PLCB4: variants seen among roughly 807,000 people sequenced by gnomAD.
PLCB4 encodes the protein 1-phosphatidylinositol 4,5-bisphosphate phosphodiesterase beta-4.
PLCB4 carries 77 observed loss-of-function variants against 178.8 expected under a neutral mutation model. The observed-to-expected ratio is 0.43, with a 90% confidence interval of 0.36 to 0.52. The LOEUF is 0.52. PLCB4 is among the 20% of genes least tolerant of loss of function. The pLI is 0.00. For synonymous variants in PLCB4, 496 were observed against 490.8 expected (o/e 1.01, Z -0.14); for missense variants, 1,024 against 1,453.4 (o/e 0.70, Z 4.80).
At chr20:9,216,535 C>G (rs2093735242) in intron 2 of PLCB4, among the ~76,000 whole-genome samples, 1 of 147,830 alleles carries the variant, frequency 6.8e-6, no homozygotes, top group Non-Finnish European at 1.5e-5. Flanking sequence ...AGTTTTACTC[C>G]GTTGCCCAGG....
At chr20:9,477,712 A>G (rs996428199) in intron 39 of PLCB4, among the ~76,000 whole-genome samples, 2 of 152,296 alleles carry the variant, frequency 1.3e-5, no homozygotes, top group South Asian at 4.1e-4. Context: ...ACACAGAAAG[A>G]TTTAATTCTT....
At chr20:9,099,106 TA>T (rs2091043638) in intron 2 of PLCB4, among the ~76,000 whole-genome samples, 1 of 152,240 alleles carries the variant, frequency 6.6e-6, no homozygotes, top group South Asian at 2.1e-4. Flanking sequence ...TTTATACTAC[TA>T]TTATAAATGG....
intron 1 of PLCB4, among the ~76,000 whole-genome samples, chr20:9,086,426 C>G (rs2090425244): frequency 6.6e-6 from 1 of 152,020 alleles, no homozygotes; most frequent in African/African-American, 2.4e-5. Context: ...CCTGGCTTTG[C>G]TACTGAGAAG....
intron 18 of PLCB4, among the ~76,000 whole-genome samples, chr20:9,394,311 G>A (rs1409024141): frequency 6.6e-6 from 1 of 151,940 alleles, no homozygotes; most frequent in South Asian, 2.1e-4. Context: ...TATTACAAAA[G>A]CAATAATGCC....
chr20:9,274,516 T>G, intron 3 of PLCB4, among the ~76,000 whole-genome samples: 1 of 152,112 alleles, frequency 6.6e-6, no homozygotes, highest in Admixed American at 6.6e-5. Flanking sequence ...CCTATTTTAT[T>G]TGCACATGTA....
chr20:9,206,299 CTTTTTTTTT>C (rs71184138), intron 2 of PLCB4, among the ~76,000 whole-genome samples: 2 of 96,100 alleles, frequency 2.1e-5, no homozygotes, highest in East Asian at 3.0e-4. Flanking sequence ...TTTCTTTTTT[CTTTTTTTTT>C]TTTTTTTTTT....
chr20:9,319,353 A>G (rs1427041106), intron 4 of PLCB4, among the ~76,000 whole-genome samples: 4 of 152,030 alleles, frequency 2.6e-5, no homozygotes, highest in Non-Finnish European at 5.9e-5. Flanking sequence ...TATTTTTGTC[A>G]TTACTTGTTT....
In PLCB4 at chr20:9,444,225, A is replaced by G. The variant is rs1190297162; in HGVS notation, c.2862A>G (p.Leu954=). The change falls in exon 32 of 40, where the codon TTA becomes TTG. Residue 954 remains leucine (L), a synonymous_variant. Coordinates refer to ENST00000378473, the MANE Select transcript of PLCB4 (RefSeq NM_001377142.1). ...LKKQQKELNS[L]KKKHAKEHST... ...AACAGCAGAAGGAGCTAAATTCTTT[A>G]AAGAAGAAACATGCAAAGGTACAGT... 1.9e-6 allele frequency: 3 copies of G among 1,600,474 alleles called. No homozygotes were observed. The highest frequency in any genetic ancestry group is 1.1e-5 in the South Asian group (1 of 90,526).
intron 3 of PLCB4, among the ~76,000 whole-genome samples, chr20:9,276,225 G>A (rs1387981239): frequency 6.6e-6 from 1 of 152,092 alleles, no homozygotes. Context: ...GCTGATGAGA[G>A]CTCTGTCATT....
intron 3 of PLCB4, among the ~76,000 whole-genome samples, chr20:9,221,778 A>T (rs969391533): frequency 6.6e-6 from 1 of 152,110 alleles, no homozygotes; most frequent in African/African-American, 2.4e-5. Flanking sequence ...TCCTTAGTAA[A>T]ATCATGGATA....
intron 7 of PLCB4, among the ~76,000 whole-genome samples, chr20:9,357,379 G>C (rs541569840): frequency 6.6e-6 from 1 of 152,290 alleles, no homozygotes; most frequent in Admixed American, 6.5e-5. Context: ...TTCAGCCCAG[G>C]TGGGGTGGGA....
chr20:9,338,142 A>G lies in PLCB4; in HGVS notation c.225+75A>G, dbSNP rs1311635268. The G allele has an allele frequency of 4.2e-6, 4 of 951,462 alleles. No individual in the cohort carries two copies. The African/African-American group carries it at 6.4e-5, about 15-fold the overall frequency. The allele number at this position is 951,462 out of a possible 1,614,324, so 58.9% of individuals were successfully genotyped here. ...GAAATGGCCATGGCTTCTAGAGATAAAAAACTCACTCTTTGTATCCAGGCT... is the reference window on the plus strand; with the variant it reads ...GAAATGGCCATGGCTTCTAGAGATAGAAAACTCACTCTTTGTATCCAGGCT... On this transcript the variant is annotated intron_variant, in intron 6 of 39. Transcript: ENST00000378473.
chr20:9,216,561 A>G (rs902512808), intron 2 of PLCB4, among the ~76,000 whole-genome samples: 14 of 151,786 alleles, frequency 9.2e-5, no homozygotes, highest in South Asian at 2.1e-4. Flanking sequence ...GTGCAGTGGC[A>G]TGATCTTTGC....
chr20:9,337,309 C>T lies in PLCB4; in HGVS notation c.165+103C>T. 3 of 782,794 alleles carry T rather than the reference C, an allele frequency of 3.8e-6. No individual in the cohort carries two copies. In the Admixed American group the frequency reaches 5.7e-5, roughly 15 times the overall value. The allele number at this position is 782,794 out of a possible 1,614,324, so 48.5% of individuals were successfully genotyped here. A position where few individuals can be genotyped will look rare whatever the true frequency, so the allele number is the denominator to read the frequency against. ...GCTGTTGATGAACCCTACCCTTATT[C>T]ATTCATTCAAGATTTTTAAAAATGT... On this transcript the variant is annotated intron_variant, in intron 5 of 39. Coordinates refer to ENST00000378473, the MANE Select transcript of PLCB4 (RefSeq NM_001377142.1).
At chr20:9,315,959 AG>A (rs2094894347) in intron 4 of PLCB4, among the ~76,000 whole-genome samples, 1 of 152,076 alleles carries the variant, frequency 6.6e-6, no homozygotes, top group Non-Finnish European at 1.5e-5. Flanking sequence ...TTAAAAAAAA[AG>A]AGCCAGTTTG....
At chr20:9,469,052 C>A (rs532177684) in intron 36 of PLCB4, among the ~76,000 whole-genome samples, 1 of 151,776 alleles carries the variant, frequency 6.6e-6, no homozygotes, top group African/African-American at 2.4e-5. Context: ...GGCACAATCT[C>A]AGCTCACTGC....
intron 3 of PLCB4, among the ~76,000 whole-genome samples, chr20:9,287,736 A>G (rs1968441840): frequency 6.6e-6 from 1 of 152,096 alleles, no homozygotes; most frequent in Admixed American, 6.6e-5. Context: ...CTTTCCATAA[A>G]ACCTTAATAA....
intron 1 of PLCB4, among the ~76,000 whole-genome samples, chr20:9,091,847 A>G (rs945610346): frequency 6.6e-6 from 1 of 151,972 alleles, no homozygotes; most frequent in Admixed American, 6.6e-5. Flanking sequence ...TGAGAACTGC[A>G]TGCTTTTCAT....
chr20:9,241,219 G>A (rs1308100467), intron 3 of PLCB4, among the ~76,000 whole-genome samples: 1 of 152,056 alleles, frequency 6.6e-6, no homozygotes, highest in Non-Finnish European at 1.5e-5. Flanking sequence ...TGATTTTATG[G>A]CTGGGGTAAA....
Sources: gnomAD v4.1 joint callset for allele counts (sites outside exome capture counted in the v4.1 genomes callset) on GRCh38, gnomAD v4.1.1 for gene constraint, MANE v1.5 for transcripts, NCBI Gene and HGNC (gene_info 2026-07-23, HGNC 2026-07-21) for gene names.